PTPRD: variants seen among roughly 807,000 people sequenced by gnomAD.
PTPRD encodes the protein receptor-type tyrosine-protein phosphatase delta.
PTPRD carries 34 observed loss-of-function variants against 214.5 expected under a neutral mutation model. The observed-to-expected ratio is 0.16, with a 90% CI of 0.12 to 0.21. The LOEUF (loss-of-function observed/expected upper bound fraction) is 0.21, where lower values mean the gene tolerates loss of function less well. Ranked by LOEUF, PTPRD falls within the 10% of genes least tolerant of loss-of-function variation. PTPRD has a pLI of 1.00. For missense variants in PTPRD, 2,545 were observed against 2,398.7 expected (o/e 1.06, Z -1.27); for synonymous variants, 1,128 against 845.7 (o/e 1.33, Z -5.79).
At chr9:9,524,753 T>A (rs1229809234) in intron 8 of PTPRD, among the ~76,000 whole-genome samples, 3 of 152,236 alleles carry the variant, frequency 2.0e-5, no homozygotes, top group African/African-American at 7.2e-5. Context: ...GATTTTACAT[T>A]GACTAAATTT....
intron 6 of PTPRD, among the ~76,000 whole-genome samples, chr9:9,735,989 C>T (rs1442571213): frequency 6.6e-6 from 1 of 152,036 alleles, no homozygotes; most frequent in Non-Finnish European, 1.5e-5. Flanking sequence ...TACATAGAAG[C>T]CTGTGGCTTG....
intron 8 of PTPRD, among the ~76,000 whole-genome samples, chr9:9,483,443 T>C (rs1306053216): frequency 1.3e-5 from 2 of 152,124 alleles, no homozygotes; most frequent in African/African-American, 4.8e-5. Flanking sequence ...CCAATCATTT[T>C]TGCAACCTAG....
At chr9:9,002,279 T>C (rs1355472455) in intron 11 of PTPRD, among the ~76,000 whole-genome samples, 1 of 152,010 alleles carries the variant, frequency 6.6e-6, no homozygotes, top group Non-Finnish European at 1.5e-5. Context: ...TAGATCTTAA[T>C]ATTAATGAGG....
At chr9:10,151,063 T>TC (rs1031653823) in intron 3 of PTPRD, among the ~76,000 whole-genome samples, 1 of 145,112 alleles carries the variant, frequency 6.9e-6, no homozygotes, top group African/African-American at 2.5e-5. Flanking sequence ...TGTTAACTTT[T>TC]TTTTTTTTTT....
chr9:8,383,544 T>C (rs1348713517), intron 37 of PTPRD, among the ~76,000 whole-genome samples: 2 of 152,180 alleles, frequency 1.3e-5, no homozygotes, highest in South Asian at 4.1e-4. Flanking sequence ...TTTACTAATA[T>C]ATGGCATCAT....
At chr9:8,383,960 G>A (rs2086069753) in intron 37 of PTPRD, among the ~76,000 whole-genome samples, 1 of 152,152 alleles carries the variant, frequency 6.6e-6, no homozygotes, top group East Asian at 1.9e-4. Flanking sequence ...TGAGGTTGAT[G>A]CATTCTCTCT....
At chr9:8,381,460 T>C (rs1399924376) in intron 37 of PTPRD, among the ~76,000 whole-genome samples, 2 of 152,188 alleles carry the variant, frequency 1.3e-5, no homozygotes, top group Non-Finnish European at 2.9e-5. Flanking sequence ...TTAACAACAG[T>C]GTAGTTCTCT....
At chr9:9,858,490 T>C (rs1363101925) in intron 5 of PTPRD, among the ~76,000 whole-genome samples, 1 of 152,196 alleles carries the variant, frequency 6.6e-6, no homozygotes, top group African/African-American at 2.4e-5. Context: ...ACCTGGCAAA[T>C]GTGCCAACAT....
intron 8 of PTPRD, among the ~76,000 whole-genome samples, chr9:9,509,375 G>C (rs1460660717): frequency 1.3e-5 from 2 of 151,226 alleles, no homozygotes; most frequent in East Asian, 3.9e-4. Flanking sequence ...TGTCTAATCT[G>C]AATTCCTTTC....
intron 3 of PTPRD, among the ~76,000 whole-genome samples, chr9:10,148,483 TA>T (rs1177949800): frequency 1.3e-5 from 2 of 152,112 alleles, no homozygotes; most frequent in Non-Finnish European, 1.5e-5. Context: ...TCTCTGATTT[TA>T]AAAAATAATG....
At chr9:10,227,057 T>C (rs1031577664) in intron 3 of PTPRD, among the ~76,000 whole-genome samples, 2 of 152,100 alleles carry the variant, frequency 1.3e-5, no homozygotes, top group African/African-American at 4.8e-5. Flanking sequence ...CATCTATACA[T>C]AATTTCATGT....
intron 11 of PTPRD, among the ~76,000 whole-genome samples, chr9:8,763,424 G>A (rs2154478359): frequency 6.6e-6 from 1 of 152,168 alleles, no homozygotes; most frequent in Non-Finnish European, 1.5e-5. Flanking sequence ...TGAGGCATGA[G>A]AACCACTTAT....
At chr9:10,090,353 A>G (rs916830671) in intron 3 of PTPRD, among the ~76,000 whole-genome samples, 1 of 151,476 alleles carries the variant, frequency 6.6e-6, no homozygotes, top group South Asian at 2.1e-4. Context: ...GTAGAATTTG[A>G]TCATCAAAAT....
At chr9:9,626,723 TA>T (rs2095436260) in intron 7 of PTPRD, among the ~76,000 whole-genome samples, 1 of 152,184 alleles carries the variant, frequency 6.6e-6, no homozygotes, top group South Asian at 2.1e-4. Context: ...GAGGTAGGGT[TA>T]GGGTTACCCA....
intron 9 of PTPRD, among the ~76,000 whole-genome samples, chr9:9,325,903 G>A (rs374913311): frequency 6.6e-6 from 1 of 151,460 alleles, no homozygotes; most frequent in African/African-American, 2.4e-5. Flanking sequence ...TTAGCATGAA[G>A]GGCTGTTGAA....
intron 8 of PTPRD, among the ~76,000 whole-genome samples, chr9:9,466,256 C>G (rs572014673): frequency 6.6e-6 from 1 of 152,114 alleles, no homozygotes; most frequent in African/African-American, 2.4e-5. Flanking sequence ...CTGCAGTGAG[C>G]TGTGATTGTG....
At chr9:9,135,401 T>A (rs769042356) in intron 10 of PTPRD, among the ~76,000 whole-genome samples, 22 of 152,208 alleles carry the variant, frequency 1.4e-4, no homozygotes, top group Non-Finnish European at 2.6e-4. Context: ...ACAGCCCAAA[T>A]CGATGTGTGT....
chr9:9,059,470 GA>G (rs1014100851), intron 10 of PTPRD, among the ~76,000 whole-genome samples: 1 of 152,002 alleles, frequency 6.6e-6, no homozygotes, highest in African/African-American at 2.4e-5. Context: ...ACAAAAAGAA[GA>G]AAAAACCAGA....
chr9:10,407,500 C>T (rs1313143725), intron 2 of PTPRD, among the ~76,000 whole-genome samples: 1 of 151,460 alleles, frequency 6.6e-6, no homozygotes, highest in Non-Finnish European at 1.5e-5. Flanking sequence ...TAGCACCATT[C>T]CTAATAGAAA....
Sources: gnomAD v4.1 joint callset for allele counts (sites outside exome capture counted in the v4.1 genomes callset) on GRCh38, gnomAD v4.1.1 for gene constraint, MANE v1.5 for transcripts, NCBI Gene and HGNC (gene_info 2026-07-23, HGNC 2026-07-21) for gene names.